The following CLASP2 variants were observed in gnomAD, a reference collection of about 807,000 sequenced individuals.
CLASP2 encodes the protein CLIP-associating protein 2.
Under a neutral mutation model 194.4 loss-of-function variants are expected in CLASP2, and 47 were observed. That is an observed-to-expected ratio of 0.24 (90% CI 0.19 to 0.31). The LOEUF (loss-of-function observed/expected upper bound fraction) is 0.31. CLASP2 is among the 10% of genes least tolerant of loss of function. CLASP2 has a pLI of 1.00. For synonymous variants in CLASP2, 619 were observed against 633.5 expected (o/e 0.98, Z 0.34); for missense variants, 1,445 against 1,823.6 (o/e 0.79, Z 3.78).
chr3:33,717,117 T>A (rs912979335), intron 1 of CLASP2, among the ~76,000 whole-genome samples: 1 of 152,060 alleles, frequency 6.6e-6, no homozygotes, highest in Non-Finnish European at 1.5e-5. Context: ...TCTTTGTAAC[T>A]TTTTCCCCCC....
intron 34 of CLASP2, among the ~76,000 whole-genome samples, chr3:33,521,262 G>T (rs896421160): frequency 6.6e-6 from 1 of 150,872 alleles, no homozygotes; most frequent in Non-Finnish European, 1.5e-5. Flanking sequence ...CAAGTTTGAT[G>T]AAAAGAATAT....
chr3:33,560,103 C>T (rs767772403), intron 28 of CLASP2, among the ~76,000 whole-genome samples: 2 of 152,144 alleles, frequency 1.3e-5, no homozygotes, highest in African/African-American at 4.8e-5. Context: ...AGAAATATAT[C>T]ATTGGTTCAA....
chr3:33,686,594 T>C (rs1575589810), intron 5 of CLASP2, among the ~76,000 whole-genome samples: 1 of 152,182 alleles, frequency 6.6e-6, no homozygotes, highest in East Asian at 1.9e-4. Flanking sequence ...GCCAAAAAGG[T>C]TGGGGGCCGC....
At chr3:33,540,582 A>G (rs576585918) in intron 32 of CLASP2, among the ~76,000 whole-genome samples, 18 of 152,254 alleles carry the variant, frequency 1.2e-4, no homozygotes, top group African/African-American at 4.3e-4. Context: ...CTGAAATTCA[A>G]CTGAAGCTGG....
chr3:33,543,183 G>A (rs896951827), intron 32 of CLASP2, among the ~76,000 whole-genome samples: 3 of 152,148 alleles, frequency 2.0e-5, no homozygotes, highest in Non-Finnish European at 4.4e-5. Flanking sequence ...GACCGGCCTG[G>A]CCAACATGGT....
rs755701686 is a variant in CLASP2, at chr3:33,601,379, T to C, written c.1924+1573A>G. Among the ~76,000 whole-genome samples, 186 of 152,342 alleles carry C rather than the reference T, an allele frequency of 1.2e-3. 2 individuals carry two copies. Among genetic ancestry groups the C allele is most frequent in the Middle Eastern group, 3.4e-3 (1 of 294 alleles). On this transcript the variant is annotated intron_variant, in intron 18 of 38. Transcript: ENST00000682230. ...TATAGCTAAGGTTCAACATTTATTC[T>C]GGTATTTGTTGGCCATTTTGACATA...
At chr3:33,596,425 A>C (rs2070391823) in intron 19 of CLASP2, among the ~76,000 whole-genome samples, 1 of 152,102 alleles carries the variant, frequency 6.6e-6, no homozygotes, top group Admixed American at 6.5e-5. Flanking sequence ...GACTTAACGA[A>C]TCGAGAATAT....
In CLASP2 at chr3:33,592,420, T is replaced by C; in HGVS notation, c.2043A>G (p.Arg681=). 12 of 1,613,554 alleles carry C rather than the reference T, an allele frequency of 7.4e-6. No homozygotes were observed. The highest frequency in any genetic ancestry group is 1.0e-5 in the Non-Finnish European group (12 of 1,179,712). The change falls in exon 21 of 39, where the codon CGA becomes CGG. Residue 681 remains arginine (R), a synonymous_variant. Transcript: ENST00000682230. The part of the protein sequence containing the change: ...NAKADSRGRS[R]TKMVSQSQPG... ...GCTGTGATTGAGACACCATTTTTGTTCGACTTCTTCCTCTAGAATCTGCCT... is the reference window on the plus strand; with the variant it reads ...GCTGTGATTGAGACACCATTTTTGTCCGACTTCTTCCTCTAGAATCTGCCT...
intron 7 of CLASP2, among the ~76,000 whole-genome samples, chr3:33,651,977 G>A (rs1040578368): frequency 6.6e-6 from 1 of 151,914 alleles, no homozygotes; most frequent in African/African-American, 2.4e-5. Context: ...ACTTTTATGG[G>A]TACATGTATT....
At chr3:33,702,233 T>C (rs1035973657) in intron 1 of CLASP2, among the ~76,000 whole-genome samples, 2 of 151,974 alleles carry the variant, frequency 1.3e-5, no homozygotes, top group Non-Finnish European at 2.9e-5. Context: ...TTTCAAAACA[T>C]CCTACAAAGC....
rs113006809 is a variant in CLASP2, at chr3:33,665,319, G to C, written c.645-1804C>G. On this transcript the variant is annotated intron_variant, in intron 6 of 38. Coordinates refer to ENST00000682230, the MANE Select transcript of CLASP2 (RefSeq NM_001365631.1). ...AGGAATCTGGATGTAAGCAGCTTTAGTGGAAGAGGGTTCAAATGAAATAGT... is the reference window on the plus strand; with the variant it reads ...AGGAATCTGGATGTAAGCAGCTTTACTGGAAGAGGGTTCAAATGAAATAGT... Among the ~76,000 whole-genome samples the C allele has an allele frequency of 7.6e-3, 1,157 of 152,194 alleles. 11 individuals carry two copies. The highest frequency in any genetic ancestry group is 0.025 in the African/African-American group (1,058 of 41,508).
chr3:33,510,795 T>C, intron 36 of CLASP2, 31 bp from the exon 37 acceptor site: 1 of 1,543,978 alleles, frequency 6.5e-7, no homozygotes, highest in Non-Finnish European at 8.8e-7. Flanking sequence ...AGCCAGAAAG[T>C]AATTTTTAAA....
At chr3:33,645,966 ACACACACAC>A (rs2082211405) in intron 7 of CLASP2, among the ~76,000 whole-genome samples, 1 of 150,574 alleles carries the variant, frequency 6.6e-6, no homozygotes, top group African/African-American at 2.5e-5. Flanking sequence ...ACACACACAC[ACACACACAC>A]AATGTATTTT....
At chr3:33,630,748 T>C (rs1201005732) in intron 9 of CLASP2, among the ~76,000 whole-genome samples, 1 of 152,162 alleles carries the variant, frequency 6.6e-6, no homozygotes. Context: ...TGAGTAATTA[T>C]AAAATAGCTT....
intron 27 of CLASP2, among the ~76,000 whole-genome samples, chr3:33,562,810 G>A (rs188158162): frequency 6.6e-6 from 1 of 152,322 alleles, no homozygotes; most frequent in Admixed American, 6.5e-5. Context: ...CAGGGAAGCA[G>A]AGAATTACAT....
intron 21 of CLASP2, among the ~76,000 whole-genome samples, chr3:33,589,604 A>G (rs1037874403): frequency 2.0e-5 from 3 of 152,154 alleles, no homozygotes; most frequent in African/African-American, 4.8e-5. Context: ...ATAAAACCCA[A>G]ATGATTTTAC....
At chr3:33,511,321 T>C (rs1246483582) in intron 36 of CLASP2, among the ~76,000 whole-genome samples, 1 of 152,088 alleles carries the variant, frequency 6.6e-6, no homozygotes, top group Non-Finnish European at 1.5e-5. Context: ...ATTACAAATG[T>C]GAGCTGCCGT....
At chr3:33,644,092 C>T (rs1009117528) in intron 8 of CLASP2, among the ~76,000 whole-genome samples, 5 of 152,006 alleles carry the variant, frequency 3.3e-5, no homozygotes, top group East Asian at 3.8e-4. Flanking sequence ...AATATACTCA[C>T]GGCTTTCTAA....
At chr3:33,605,200 C>A (rs79944892) in intron 16 of CLASP2, among the ~76,000 whole-genome samples, 10,615 of 152,122 alleles carry the variant, frequency 0.07, 461 homozygotes, top group Admixed American at 0.1. Flanking sequence ...AAATCTCAGG[C>A]CCCACCCCAA....
Sources: allele counts gnomAD v4.1 joint callset (sites outside exome capture counted in the v4.1 genomes callset), GRCh38; gene constraint gnomAD v4.1.1; transcripts MANE v1.5; gene names NCBI Gene and HGNC (gene_info 2026-07-23, HGNC 2026-07-21).